TMEM117: variants seen among roughly 807,000 people sequenced by gnomAD.
The protein encoded by TMEM117 is transmembrane protein 117.
In TMEM117, 27 loss-of-function variants were observed where a neutral mutation model predicts 52.4. The observed-to-expected ratio is 0.51, with a 90% CI of 0.38 to 0.71. The LOEUF (loss-of-function observed/expected upper bound fraction) is 0.71. TMEM117 is among the 30% of genes least tolerant of loss of function. The pLI is 0.00. For synonymous variants in TMEM117, 215 were observed against 206.3 expected (o/e 1.04, Z -0.36); for missense variants, 556 against 630.5 (o/e 0.88, Z 1.26).
Position 44,286,332 on chromosome 12 carries a change from TAATA to T in TMEM117, c.609-13243_609-13240del, listed in dbSNP as rs1950638544. Reference sequence around the variant, plus strand: ...TTTATATATATAATATATATAAACATAATAAATATGTTTTATTGTGTTGAATCAC... The same window carrying T: ...TTTATATATATAATATATATAAACATAATATGTTTTATTGTGTTGAATCAC... On this transcript the variant is annotated intron_variant, in intron 5 of 7. Transcript: ENST00000266534. Among the ~76,000 whole-genome samples the T allele has an allele frequency of 2.0e-5, 3 of 150,876 alleles. 1 individual carries two copies. Among genetic ancestry groups the T allele is most frequent in the African/African-American group, 7.3e-5 (3 of 41,328 alleles).
At chr12:44,161,537 A>C (rs927195600) in intron 4 of TMEM117, among the ~76,000 whole-genome samples, 1 of 152,218 alleles carries the variant, frequency 6.6e-6, no homozygotes, top group African/African-American at 2.4e-5. Flanking sequence ...GAGTTTTGCT[A>C]ATTAAACGAA....
At position 44,285,177 on chromosome 12, in the gene TMEM117, C is replaced by G. The variant is rs1477533788; in HGVS notation, c.609-14403C>G. ...CCAGACGTATTTTTTTCAGCCACCT[C>G]TTTTATGGCCTGTCAAGAACAAGCA... On this transcript the variant is annotated intron_variant, in intron 5 of 7. Transcript: ENST00000266534. 2.0e-5 allele frequency among the ~76,000 whole-genome samples: 3 copies of G among 152,162 alleles called. No homozygotes were observed. In the East Asian group the frequency reaches 5.8e-4, roughly 29 times the overall value.
intron 3 of TMEM117, among the ~76,000 whole-genome samples, chr12:43,994,705 C>A (rs1945998918): frequency 6.6e-6 from 1 of 151,874 alleles, no homozygotes. Context: ...TATAATTATC[C>A]TTTTCTCATA....
At chr12:44,237,575 G>A (rs1950012464) in intron 5 of TMEM117, among the ~76,000 whole-genome samples, 1 of 151,782 alleles carries the variant, frequency 6.6e-6, no homozygotes, top group African/African-American at 2.4e-5. Flanking sequence ...AAATTTTCTG[G>A]GCATGGTGGC....
At chr12:44,283,949 C>G (rs1174783339) in intron 5 of TMEM117, among the ~76,000 whole-genome samples, 1 of 152,088 alleles carries the variant, frequency 6.6e-6, no homozygotes, top group Non-Finnish European at 1.5e-5. Context: ...ATATGTCTCA[C>G]GAGATCTGAT....
At chr12:43,968,398 A>G (rs933037822) in intron 3 of TMEM117, among the ~76,000 whole-genome samples, 5 of 152,242 alleles carry the variant, frequency 3.3e-5, no homozygotes, top group Admixed American at 2.6e-4. Context: ...AATATCTTGC[A>G]TATTTGACTT....
At chr12:44,300,556 G>T (rs1453671820) in intron 6 of TMEM117, among the ~76,000 whole-genome samples, 1 of 152,128 alleles carries the variant, frequency 6.6e-6, no homozygotes, top group Non-Finnish European at 1.5e-5. Context: ...TAGCAGATTG[G>T]TTTTCTCATT....
rs190112358 is a variant in TMEM117 at position 44,332,459 on chromosome 12, A to G, written c.768+32720A>G. ...TGGGCTTATTTAAGCCTACCTTTGA[A>G]TATTTTATAATAATATGACCACTGA... On this transcript the variant is annotated intron_variant, in intron 6 of 7. Coordinates refer to ENST00000266534, the MANE Select transcript of TMEM117 (RefSeq NM_032256.3). 2.0e-5 allele frequency among the ~76,000 whole-genome samples: 3 copies of G among 152,194 alleles called. No individual in the cohort carries two copies. The East Asian group carries it at 5.8e-4, about 29-fold the overall frequency.
At chr12:44,262,990 T>A (rs1404034611) in intron 5 of TMEM117, among the ~76,000 whole-genome samples, 2 of 152,248 alleles carry the variant, frequency 1.3e-5, no homozygotes, top group Non-Finnish European at 2.9e-5. Context: ...TTTTAATCTG[T>A]GCTCTATTTT....
intron 3 of TMEM117, among the ~76,000 whole-genome samples, chr12:44,088,116 AAAAAGTCAAATAAC>A (rs1947603218): frequency 1.3e-5 from 2 of 152,208 alleles, no homozygotes; most frequent in Non-Finnish European, 2.9e-5. Flanking sequence ...GTTAAGAGTG[AAAAAGTCAAATAAC>A]AGCTTAGTTC....
chr12:44,303,121 G>A (rs959103598), intron 6 of TMEM117, among the ~76,000 whole-genome samples: 21 of 151,788 alleles, frequency 1.4e-4, no homozygotes, highest in African/African-American at 4.8e-4. Flanking sequence ...TCGGCTCACT[G>A]CAACCTCTGC....
chr12:44,168,449 G>A (rs955746986), intron 4 of TMEM117, among the ~76,000 whole-genome samples: 2 of 151,954 alleles, frequency 1.3e-5, no homozygotes, highest in South Asian at 4.1e-4. Flanking sequence ...TTTTATGACA[G>A]CATAATAACA....
chr12:43,879,656 C>G (rs77197799), intron 2 of TMEM117, among the ~76,000 whole-genome samples: 1 of 152,232 alleles, frequency 6.6e-6, no homozygotes, highest in Non-Finnish European at 1.5e-5. Context: ...TTGGAGAGCC[C>G]CAACTCCTTT....
At chr12:43,978,300 A>G (rs780681345) in intron 3 of TMEM117, among the ~76,000 whole-genome samples, 4 of 152,198 alleles carry the variant, frequency 2.6e-5, no homozygotes, top group Non-Finnish European at 5.9e-5. Flanking sequence ...GAAGTTGAAG[A>G]AAAAGTGCAC....
chr12:43,862,105 T>G (rs1943499793), intron 2 of TMEM117, among the ~76,000 whole-genome samples: 1 of 152,184 alleles, frequency 6.6e-6, no homozygotes, highest in South Asian at 2.1e-4. Context: ...TCTGCCAGAG[T>G]GAAGGCAATG....
At position 44,388,742 on chromosome 12, in the gene TMEM117, T is replaced by A; in HGVS notation, c.*70T>A. ...GTAACTTTAAAAATTTAGTCTTTCC[T>A]TTTGTATATGTAAGGTTTACGTAGT... On this transcript the variant is annotated 3_prime_UTR_variant, in exon 8 of 8. Transcript: ENST00000266534. The A allele has an allele frequency of 6.5e-7, 1 of 1,532,540 alleles. No individual in the cohort carries two copies. Among genetic ancestry groups the A allele is most frequent in the Non-Finnish European group, 8.8e-7 (1 of 1,132,492 alleles). 94.9% of individuals were successfully genotyped at this position (1,532,540 alleles called of 1,614,324 possible).
intron 3 of TMEM117, among the ~76,000 whole-genome samples, chr12:44,089,436 C>T (rs1947625843): frequency 6.6e-6 from 1 of 152,132 alleles, no homozygotes; most frequent in Admixed American, 6.6e-5. Flanking sequence ...TCTGTTTCTT[C>T]ACTTGACATT....
chr12:43,958,518 T>C (rs966174077), intron 3 of TMEM117, among the ~76,000 whole-genome samples: 2 of 151,266 alleles, frequency 1.3e-5, no homozygotes, highest in African/African-American at 2.4e-5. Context: ...AAATAAATGT[T>C]ACTATTTATT....
intron 3 of TMEM117, among the ~76,000 whole-genome samples, chr12:43,958,711 C>G (rs754308145): frequency 6.6e-6 from 1 of 152,146 alleles, no homozygotes; most frequent in Non-Finnish European, 1.5e-5. Flanking sequence ...TAAGTGTGAT[C>G]TGACCAGGAC....
Sources: allele counts gnomAD v4.1 joint callset (sites outside exome capture counted in the v4.1 genomes callset), GRCh38; gene constraint gnomAD v4.1.1; transcripts MANE v1.5; gene names NCBI Gene and HGNC (gene_info 2026-07-23, HGNC 2026-07-21).